MTR: variants seen among roughly 807,000 people sequenced by gnomAD.
The protein encoded by MTR is methionine synthase.
In MTR, 84 loss-of-function variants were observed where a neutral mutation model predicts 154.8. The observed-to-expected ratio is 0.54, with a 90% CI of 0.45 to 0.65. The LOEUF is 0.65. Among genes scored for constraint, MTR ranks in the 30% least tolerant of loss-of-function variants. The probability of loss-of-function intolerance (pLI) is 0.00; values close to 1 mark genes in which losing one functional copy is unlikely to be tolerated. For synonymous variants in MTR, 554 were observed against 553.9 expected (o/e 1.00, Z 0.00); for missense variants, 1,275 against 1,570.2 (o/e 0.81, Z 3.18).
At chr1:236,853,121 T>C in intron 18 of MTR, 33 bp downstream of exon 18, 1 of 1,611,508 alleles carries the variant, frequency 6.2e-7, no homozygotes. Flanking sequence ...AGATGGATTT[T>C]TCCTATCTTT....
At position 236,891,122 on chromosome 1, in the gene MTR, T is replaced by C; in HGVS notation, c.3008-11T>C. 6.2e-7 allele frequency: 1 copy of C among 1,614,080 alleles called. No homozygotes were observed. The highest frequency in any genetic ancestry group is 8.5e-7 in the Non-Finnish European group (1 of 1,179,964). On this transcript the variant is annotated splice_polypyrimidine_tract_variant and intron_variant, in intron 28 of 32. Coordinates refer to ENST00000366577, the MANE Select transcript of MTR (RefSeq NM_000254.3). ...ATCTTTAAGTGAATTCTAATTCTGT[T>C]TTTCTAATAGGTGGAGAGGCCAGGA...
chr1:236,820,723 G>A (rs1013559590), intron 8 of MTR, among the ~76,000 whole-genome samples: 1 of 152,140 alleles, frequency 6.6e-6, no homozygotes, highest in Non-Finnish European at 1.5e-5. Flanking sequence ...GTGAGAAACT[G>A]CCAAACTATC....
chr1:236,838,333 AG>A, intron 14 of MTR, 80 bp from the exon 15 acceptor site: 1 of 1,373,582 alleles, frequency 7.3e-7, no homozygotes, highest in Non-Finnish European at 1.0e-6. Context: ...AAGAAGAAAT[AG>A]GGAATACTTT....
At chr1:236,888,658 C>T (rs569389661) in intron 27 of MTR, among the ~76,000 whole-genome samples, 2 of 152,192 alleles carry the variant, frequency 1.3e-5, no homozygotes, top group South Asian at 2.1e-4. Flanking sequence ...GAGTATGTAT[C>T]GGAAGTCCCA....
In MTR at chr1:236,895,037, A is replaced by T. The variant is rs1016317481; in HGVS notation, c.3406-321A>T. 2.7e-5 allele frequency: 11 copies of T among 407,522 alleles called. 1 individual carries two copies. The highest frequency in any genetic ancestry group is 2.6e-4 in the South Asian group (11 of 43,134). The allele number at this position is 407,522 out of a possible 1,614,324, so 25.2% of individuals were successfully genotyped here. A position where few individuals can be genotyped will look rare whatever the true frequency, so the allele number is the denominator to read the frequency against. On this transcript the variant is annotated intron_variant, in intron 30 of 32. Coordinates refer to ENST00000366577, the MANE Select transcript of MTR (RefSeq NM_000254.3). The stretch of plus-strand genomic sequence containing the variant: ...GAACAGTGGAGGAACTAGCAGCTGT[A>T]TGGTCCCAGCTGCTCTTTCTGGCCC...
chr1:236,885,256 G>A (rs1665952333), intron 26 of MTR, 37 bp downstream of exon 26: 3 of 1,333,712 alleles, frequency 2.2e-6, no homozygotes, highest in Non-Finnish European at 3.2e-6. Flanking sequence ...TGTTTTTAAT[G>A]TGACTGTTTT....
chr1:236,802,345 C>T (rs1660743475), intron 1 of MTR, among the ~76,000 whole-genome samples: 2 of 151,918 alleles, frequency 1.3e-5, no homozygotes, highest in Admixed American at 1.3e-4. Context: ...AAGATTGGGG[C>T]CAGGTGTTTT....
At chr1:236,824,992 TTC>T (rs993842186) in intron 9 of MTR, among the ~76,000 whole-genome samples, 4 of 152,112 alleles carry the variant, frequency 2.6e-5, no homozygotes, top group Non-Finnish European at 5.9e-5. Context: ...GTAGTATTCC[TTC>T]CACCCCCACC....
chr1:236,821,407 C>T (rs1661941821), intron 8 of MTR, among the ~76,000 whole-genome samples: 1 of 152,202 alleles, frequency 6.6e-6, no homozygotes, highest in South Asian at 2.1e-4. Flanking sequence ...GTTTCATTGG[C>T]ATTTAAATTT....
At chr1:236,884,604 C>T (rs370955759) in intron 25 of MTR, among the ~76,000 whole-genome samples, 18 of 152,128 alleles carry the variant, frequency 1.2e-4, no homozygotes, top group Non-Finnish European at 2.2e-4. Flanking sequence ...TTATTTCTTC[C>T]GCTGATGATA....
intron 22 of MTR, among the ~76,000 whole-genome samples, chr1:236,866,277 A>G (rs1341363724): frequency 6.6e-6 from 1 of 152,104 alleles, no homozygotes; most frequent in Non-Finnish European, 1.5e-5. Flanking sequence ...AAACCTTATT[A>G]TTGTATCTGT....
At chr1:236,829,045 G>T in intron 11 of MTR, 144 bp from the exon 12 acceptor site, 2 of 660,542 alleles carry the variant, frequency 3.0e-6, no homozygotes, top group Non-Finnish European at 5.3e-6. Context: ...GATTGTTGCT[G>T]CACACTTGGA....
intron 16 of MTR, 80 bp downstream of exon 16, chr1:236,850,603 A>G (rs527390077): frequency 2.3e-5 from 29 of 1,261,734 alleles, no homozygotes; most frequent in South Asian, 3.7e-5. Flanking sequence ...ACTAACTTAT[A>G]TATTTATTGG....
rs1661380305 is a variant in MTR, at chr1:236,812,829, T to C, written c.594T>C (p.Asp198=). Residue 198 remains aspartate (D), a synonymous_variant, in exon 6 of 33, where the codon GAT becomes GAC. Transcript: ENST00000366577. ...VDILLIETIF[D]TANAKAALFA... ...TCTTACTCATTGAAACTATTTTTGA[T>C]ACTGCCAATGCCAAGGTGAGTTAAG... is the stretch of plus-strand genomic sequence containing the variant. 3 of 1,613,902 alleles carry C rather than the reference T, an allele frequency of 1.9e-6. No individual in the cohort carries two copies. In the Admixed American group the frequency reaches 5.0e-5, roughly 27 times the overall value.
At chr1:236,846,506 A>G (rs1270403481) in intron 15 of MTR, among the ~76,000 whole-genome samples, 1 of 152,220 alleles carries the variant, frequency 6.6e-6, no homozygotes, top group Non-Finnish European at 1.5e-5. Context: ...ATTTGAAAAT[A>G]AATTTCTAAT....
At chr1:236,839,720 A>T (rs563007530) in intron 15 of MTR, among the ~76,000 whole-genome samples, 2 of 152,206 alleles carry the variant, frequency 1.3e-5, no homozygotes, top group Non-Finnish European at 2.9e-5. Flanking sequence ...GAATCTAGTA[A>T]TAAGGTTGAG....
chr1:236,891,454 G>A, intron 29 of MTR, 125 bp downstream of exon 29: 1 of 1,022,944 alleles, frequency 9.8e-7, no homozygotes, highest in South Asian at 1.4e-5. Flanking sequence ...ACATGCCCAA[G>A]AAGTGACCAG....
chr1:236,833,292 G>T (rs929555695), intron 13 of MTR, among the ~76,000 whole-genome samples: 8 of 152,186 alleles, frequency 5.3e-5, no homozygotes, highest in Non-Finnish European at 1.2e-4. Context: ...GGATTTGATA[G>T]ATTTGACACT....
At chr1:236,885,053 T>C in intron 25 of MTR, 68 bp from the exon 26 acceptor site, 1 of 963,430 alleles carries the variant, frequency 1.0e-6, no homozygotes, top group Non-Finnish European at 1.7e-6. Context: ...GGAGGTGTTA[T>C]CAGCATTGAC....
Sources: allele counts gnomAD v4.1 joint callset (sites outside exome capture counted in the v4.1 genomes callset), GRCh38; gene constraint gnomAD v4.1.1; transcripts MANE v1.5; gene names NCBI Gene and HGNC (gene_info 2026-07-23, HGNC 2026-07-21).